NOX5: variants seen among roughly 807,000 people sequenced by gnomAD.
The protein encoded by NOX5 is NADPH oxidase 5.
NOX5 carries 76 observed loss-of-function variants against 85.7 expected under a neutral mutation model. That is an observed-to-expected ratio of 0.89 (90% CI 0.74 to 1.07). The LOEUF (loss-of-function observed/expected upper bound fraction) is 1.07, where lower values mean the gene tolerates loss of function less well. NOX5 is among the 50% of genes least tolerant of loss of function. NOX5 has a pLI of 0.00. For missense variants in NOX5, 973 were observed against 999.5 expected (o/e 0.97, Z 0.36); for synonymous variants, 405 against 401.4 (o/e 1.01, Z -0.11).
intron 10 of NOX5, 92 bp downstream of exon 10, chr15:69,042,897 AGC>A: frequency 1.5e-6 from 2 of 1,369,496 alleles, no homozygotes; most frequent in Non-Finnish European, 2.0e-6. Flanking sequence ...TCAATTATTG[AGC>A]AACTGCTGTG....
rs748888839 is a variant in NOX5 at position 69,033,208 on chromosome 15, C to T, written c.786C>T (p.Asp262=). The stretch of plus-strand genomic sequence containing the variant: ...GGCTGGCGGCCAGCGCGCACCGGGA[C>T]CTCGGCGCCAGCGTCATGGTGGCCA... ...LFGLAASAHR[D]LGASVMVAKG... The change falls in exon 5 of 16, where the codon GAC becomes GAT. Residue 262 remains aspartate (D), a synonymous_variant. Transcript: ENST00000388866. 1.6e-5 allele frequency: 25 copies of T among 1,597,018 alleles called. No homozygotes were observed. Among genetic ancestry groups the T allele is most frequent in the Non-Finnish European group, 2.1e-5 (25 of 1,178,814 alleles).
chr15:69,031,523 G>A lies in NOX5; in HGVS notation c.331G>A (p.Ala111Thr). 1 of 1,606,346 alleles carries A rather than the reference G, an allele frequency of 6.2e-7. No homozygotes were observed. Among genetic ancestry groups the A allele is most frequent in the Non-Finnish European group, 8.5e-7 (1 of 1,177,072 alleles). ...AGGCCCACCACTTCTTGCAGTGTGTGCACGGCAGGGGGCGTCTGCAGGTAC... is the reference window on the plus strand; with the variant it reads ...AGGCCCACCACTTCTTGCAGTGTGTACACGGCAGGGGGCGTCTGCAGGTAC... ...LFQVYDIDVC[A>T]RQGASAGTEW... Residue 111 changes from alanine to threonine, a missense_variant, in exon 4 of 16, where the codon GCA becomes ACA. Ala to Thr is a moderately conservative substitution (Grantham distance 58). Coordinates refer to ENST00000388866, the MANE Select transcript of NOX5 (RefSeq NM_024505.4).
chr15:69,025,301 T>A (rs1402165477), intron 1 of NOX5, among the ~76,000 whole-genome samples: 1 of 151,750 alleles, frequency 6.6e-6, no homozygotes, highest in Non-Finnish European at 1.5e-5. Flanking sequence ...TACTGCACAG[T>A]ACAGCCTTTG....
intron 5 of NOX5, among the ~76,000 whole-genome samples, chr15:69,035,144 CT>C (rs1257655861): frequency 6.6e-6 from 1 of 152,142 alleles, no homozygotes; most frequent in Non-Finnish European, 1.5e-5. Context: ...CATTCTGTAA[CT>C]TTCTCTTCCC....
chr15:69,052,131 T>C (rs1440524194), intron 14 of NOX5, among the ~76,000 whole-genome samples: 1 of 151,474 alleles, frequency 6.6e-6, no homozygotes, highest in Non-Finnish European at 1.5e-5. Context: ...GGTGGGAGGA[T>C]CACTTGAGGC....
At position 69,035,739 on chromosome 15, in the gene NOX5, T is replaced by C. The variant is rs749734412; in HGVS notation, c.1010-19T>C. 2 of 1,611,016 alleles carry C rather than the reference T, an allele frequency of 1.2e-6. No individual in the cohort carries two copies. Among genetic ancestry groups the C allele is most frequent in the South Asian group, 1.1e-5 (1 of 90,866 alleles). On this transcript the variant is annotated intron_variant, in intron 6 of 15. Transcript: ENST00000388866. ...GAGCTGGTCTTGCAGTCACTCAACC[T>C]TTCTGAGCTTGTTTCCAGTACTCCA...
chr15:69,054,551 A>G (rs1170033351), intron 14 of NOX5, among the ~76,000 whole-genome samples: 2 of 152,202 alleles, frequency 1.3e-5, no homozygotes, highest in Non-Finnish European at 2.9e-5. Context: ...ATGCGGCTCC[A>G]GCCGGGCACC....
At chr15:69,022,907 G>C (rs2050312220) in intron 1 of NOX5, 1 of 464,278 alleles carries the variant, frequency 2.2e-6, no homozygotes. Context: ...CTCCTGAAAA[G>C]GATGTCTAAG....
chr15:69,033,720 G>A (rs980092736), intron 5 of NOX5, among the ~76,000 whole-genome samples: 14 of 115,176 alleles, frequency 1.2e-4, no homozygotes, highest in Non-Finnish European at 2.4e-4. Context: ...TTTTTTTTGA[G>A]ACGGAATTTT....
At position 69,026,642 on chromosome 15, in the gene NOX5, T is replaced by G. The variant is rs574548422; in HGVS notation, c.165T>G (p.His55Gln). The stretch of plus-strand genomic sequence containing the variant: ...TGCAAGAATTCAAAGCAGCTCTGCA[T>G]GTGAAAGAGGCAAGTGTTGGGCCAA... Reference protein sequence around the residue: ...ISLQEFKAALHVKESFFAERF... With the variant: ...ISLQEFKAALQVKESFFAERF... The change falls in exon 2 of 16, where the codon CAT becomes CAG. Residue 55 changes from histidine (H) to glutamine (Q), a missense_variant. Coordinates refer to ENST00000388866, the MANE Select transcript of NOX5 (RefSeq NM_024505.4). The G allele has an allele frequency of 1.5e-5, 24 of 1,614,044 alleles. No homozygotes were observed. The East Asian group carries it at 4.2e-4, about 28-fold the overall frequency.
intron 10 of NOX5, 94 bp from the exon 11 acceptor site, chr15:69,046,727 TA>T: frequency 8.3e-7 from 1 of 1,198,348 alleles, no homozygotes; most frequent in Non-Finnish European, 1.2e-6. Context: ...TCCCTTTTTA[TA>T]AAGTTGCTCA....
chr15:69,056,037 G>A (rs1460293154), intron 15 of NOX5, among the ~76,000 whole-genome samples: 4 of 152,138 alleles, frequency 2.6e-5, no homozygotes, highest in Non-Finnish European at 5.9e-5. Context: ...CTGAGTGGGA[G>A]GGGAATGTCT....
chr15:69,015,798 G>C (rs572390409), intron 1 of NOX5, among the ~76,000 whole-genome samples: 32 of 151,982 alleles, frequency 2.1e-4, no homozygotes, highest in African/African-American at 5.5e-4. Flanking sequence ...AATGTCTTTG[G>C]GGGGGCAGTG....
At chr15:69,030,371 G>A (rs751996110) in intron 3 of NOX5, 1 of 152,190 alleles carries the variant, frequency 6.6e-6, no homozygotes, top group Non-Finnish European at 1.5e-5. Flanking sequence ...TGTTCATTTT[G>A]CTGCCCTGGT....
Position 69,049,075 on chromosome 15 carries a change from G to C in NOX5, c.1999+17G>C. 6.3e-7 allele frequency: 1 copy of C among 1,585,194 alleles called. No homozygotes were observed. Among genetic ancestry groups the C allele is most frequent in the Non-Finnish European group, 8.6e-7 (1 of 1,158,138 alleles). On this transcript the variant is annotated intron_variant, in intron 14 of 15. Transcript: ENST00000388866. ...CTCAATACGGTAAGAGAGGGACAGG[G>C]CCTGAGGGCAGTAGGAGTAGGGCAG...
chr15:69,040,333 A>C (rs1041445250), intron 9 of NOX5, among the ~76,000 whole-genome samples: 1 of 152,256 alleles, frequency 6.6e-6, no homozygotes, highest in Admixed American at 6.5e-5. Context: ...GTACAGAAGA[A>C]AATGAGAATC....
At chr15:69,054,467 C>G (rs909033263) in intron 14 of NOX5, among the ~76,000 whole-genome samples, 2 of 152,222 alleles carry the variant, frequency 1.3e-5, no homozygotes, top group African/African-American at 4.8e-5. Flanking sequence ...TGTCTCCTAG[C>G]TGGGCATTCA....
intron 13 of NOX5, among the ~76,000 whole-genome samples, chr15:69,048,199 A>C (rs998487548): frequency 6.6e-6 from 1 of 152,274 alleles, no homozygotes; most frequent in Non-Finnish European, 1.5e-5. Flanking sequence ...AGTTACAGCC[A>C]TGATGCTACC....
In NOX5 at chr15:69,047,833, C is replaced by G. The variant is rs1195905240; in HGVS notation, c.1821C>G (p.His607Gln). 1 of 1,614,148 alleles carries G rather than the reference C, an allele frequency of 6.2e-7. No individual in the cohort carries two copies. The highest frequency in any genetic ancestry group is 8.5e-7 in the Non-Finnish European group (1 of 1,180,016). Residue 607 changes from histidine to glutamine, a missense_variant, in exon 13 of 16, where the codon CAC becomes CAG. Coordinates refer to ENST00000388866, the MANE Select transcript of NOX5 (RefSeq NM_024505.4). ...CCTTCCTCCTGCCTCCCCTCAGGCACCAGAAAAGAAAGCATACTTGCCCCA... is the reference window on the plus strand; with the variant it reads ...CCTTCCTCCTGCCTCCCCTCAGGCAGCAGAAAAGAAAGCATACTTGCCCCA... ...ASILQSIMYR[H>Q]QKRKHTCPSC...
Sources: allele counts gnomAD v4.1 joint callset (sites outside exome capture counted in the v4.1 genomes callset), GRCh38; gene constraint gnomAD v4.1.1; transcripts MANE v1.5; gene names NCBI Gene and HGNC (gene_info 2026-07-23, HGNC 2026-07-21).